The following SETD1A variants were observed in gnomAD, a reference collection of about 807,000 sequenced individuals.
The protein encoded by SETD1A is histone-lysine N-methyltransferase SETD1A.
A neutral mutation model predicts 149.9 loss-of-function variants in SETD1A; 29 were observed. The observed-to-expected ratio is 0.19, with a 90% CI of 0.14 to 0.26. The LOEUF is 0.26. SETD1A is among the 10% of genes least tolerant of loss of function. The probability of loss-of-function intolerance (pLI) is 1.00; values close to 1 mark genes in which losing one functional copy is unlikely to be tolerated. For missense variants in SETD1A, 2,109 were observed against 2,353.1 expected (o/e 0.90, Z 2.15); for synonymous variants, 1,141 against 968.5 (o/e 1.18, Z -3.31).
At chr16:30,968,327 C>T (rs1488423612) in intron 10 of SETD1A, among the ~76,000 whole-genome samples, 1 of 149,342 alleles carries the variant, frequency 6.7e-6, no homozygotes, top group Non-Finnish European at 1.5e-5. Flanking sequence ...CACTTGAACC[C>T]AGGAGGTGGA....
At chr16:30,982,489 A>C (rs2056391095) in intron 17 of SETD1A, among the ~76,000 whole-genome samples, 1 of 151,306 alleles carries the variant, frequency 6.6e-6, no homozygotes. Flanking sequence ...CGACAGAGCA[A>C]GACTCCGTCT....
At chr16:30,978,836 A>T (rs1017989783) in intron 13 of SETD1A, among the ~76,000 whole-genome samples, 5 of 152,146 alleles carry the variant, frequency 3.3e-5, no homozygotes, top group African/African-American at 9.7e-5. Flanking sequence ...CGCCCTTCTC[A>T]GCGTGGTTAC....
intron 13 of SETD1A, among the ~76,000 whole-genome samples, chr16:30,972,655 A>G (rs1015034408): frequency 1.4e-5 from 2 of 144,884 alleles, no homozygotes; most frequent in African/African-American, 5.2e-5. Context: ...AAAAAAAAAG[A>G]CCAGCCTGGG....
chr16:30,959,423 G>T lies in SETD1A; in HGVS notation c.246+237G>T, dbSNP rs369523113. Among the ~76,000 whole-genome samples the T allele has an allele frequency of 6.6e-5, 10 of 152,278 alleles. No homozygotes were observed. The South Asian group carries it at 2.1e-3, about 32-fold the overall frequency. On this transcript the variant is annotated intron_variant, in intron 3 of 18. Coordinates refer to ENST00000262519, the MANE Select transcript of SETD1A (RefSeq NM_014712.3). ...CTGGGGTGTCGACTTCTTGAAGGGT[G>T]AGGTAAAGACTCTTTAGCTGCTATA...
At chr16:30,974,968 G>A (rs1031949368) in intron 13 of SETD1A, among the ~76,000 whole-genome samples, 1 of 152,062 alleles carries the variant, frequency 6.6e-6, no homozygotes, top group African/African-American at 2.4e-5. Flanking sequence ...CCAACATGGT[G>A]AAACCCCATC....
chr16:30,982,963 T>C (rs531804727), intron 17 of SETD1A, among the ~76,000 whole-genome samples: 3 of 152,168 alleles, frequency 2.0e-5, no homozygotes, highest in South Asian at 2.1e-4. Context: ...AGTCTGGACA[T>C]GTGGGGTTGC....
Position 30,965,992 on chromosome 16 carries a change from C to T in SETD1A, c.2111C>T (p.Ala704Val), listed in dbSNP as rs1252300592. 1.3e-6 allele frequency: 2 copies of T among 1,579,982 alleles called. No individual in the cohort carries two copies. Among genetic ancestry groups the T allele is most frequent in the African/African-American group, 1.3e-5 (1 of 74,168 alleles). The change falls in exon 8 of 19, where the codon GCT becomes GTT. Residue 704 changes from alanine (A) to valine (V), a missense_variant. This residue lies in a region of SETD1A where 431 missense variants were observed against 388.6 expected (regional missense o/e 1.11). Transcript: ENST00000262519. ...RQGKGLIAASAGPPGGAFGEA... is the reference protein window; with the variant it reads ...RQGKGLIAASVGPPGGAFGEA... ...GGCAAGGGATTGATTGCCGCCTCAG[C>T]TGGCCCCCCCGGTGGGGCCTTTGGG...
Position 30,966,040 on chromosome 16 carries a change from C to T in SETD1A, c.2159C>T (p.Pro720Leu), listed in dbSNP as rs2056139630. Residue 720 changes from proline (P) to leucine (L), a missense_variant, in exon 8 of 19, where the codon CCC (proline) becomes CTC (leucine). Physicochemically the swap from Pro to Leu is moderately conservative, Grantham distance 98. Transcript: ENST00000262519. ...AFGEAFLPFPPPQEAAYGLPY... is the reference protein window; with the variant it reads ...AFGEAFLPFPLPQEAAYGLPY... ...GGGGAGGCCTTCCTCCCGTTTCCACCCCCGCAGGAGGCAGCCTACGGCTTG... is the reference window on the plus strand; with the variant it reads ...GGGGAGGCCTTCCTCCCGTTTCCACTCCCGCAGGAGGCAGCCTACGGCTTG... 6.4e-7 allele frequency: 1 copy of T among 1,567,330 alleles called. No homozygotes were observed. The highest frequency in any genetic ancestry group is 8.6e-7 in the Non-Finnish European group (1 of 1,156,504).
rs776244035 is a variant in SETD1A, at chr16:30,971,486, C to T, written c.3125C>T (p.Ser1042Leu). ...DSESSSSSSS[S>L]SSSSSSSSSS... ...GAGAGCAGCAGCTCTTCCAGCTCCT[C>T]ATCCTCCTCCTCCTCCTCGTCCTCA... Residue 1042 changes from serine (S) to leucine (L), a missense_variant, in exon 13 of 19, where the codon TCA (serine) becomes TTA (leucine). Physicochemically the swap from Ser to Leu is moderately radical, Grantham distance 145. Transcript: ENST00000262519. The T allele has an allele frequency of 2.5e-6, 4 of 1,613,804 alleles. No homozygotes were observed. Among genetic ancestry groups the T allele is most frequent in the Non-Finnish European group, 3.4e-6 (4 of 1,179,932 alleles).
chr16:30,963,514 T>C lies in SETD1A; in HGVS notation c.599T>C (p.Leu200Pro). Residue 200 changes from leucine to proline, a missense_variant, in exon 5 of 19, where the codon CTG becomes CCG. Physicochemically the swap from Leu to Pro is moderately conservative, Grantham distance 98. Coordinates refer to ENST00000262519, the MANE Select transcript of SETD1A (RefSeq NM_014712.3). ...PQTVPTGGKA[L>P]SEKFQGSGAA... ...ACTGTGCCCACTGGGGGCAAGGCCC[T>C]GAGTGAGAAGTTCCAAGGCTCGGGT... 2 of 1,613,528 alleles carry C rather than the reference T, an allele frequency of 1.2e-6. No homozygotes were observed. The highest frequency in any genetic ancestry group is 1.7e-6 in the Non-Finnish European group (2 of 1,179,664).
At chr16:30,964,471 G>T in intron 6 of SETD1A, 141 bp from the exon 7 acceptor site, 1 of 1,439,026 alleles carries the variant, frequency 6.9e-7, no homozygotes, top group South Asian at 1.3e-5. Context: ...TGCTGTCCTC[G>T]GGGAACACAC....
Position 30,979,550 on chromosome 16 carries a change from T to TCCTGGCCGA in SETD1A, c.3772_3780dup (p.Asp1258_Ala1260dup). 2 of 1,608,986 alleles carry TCCTGGCCGA rather than the reference T, an allele frequency of 1.2e-6. No individual in the cohort carries two copies. Among genetic ancestry groups the TCCTGGCCGA allele is most frequent in the Non-Finnish European group, 1.7e-6 (2 of 1,178,926 alleles). On this transcript the variant is annotated inframe_insertion, in exon 14 of 19. Transcript: ENST00000262519. Reference sequence around the variant, plus strand: ...CCAGGGACAGAGGTGGACCTGGCGGTCCTGGCCGACCTGGCCCTGACCCCT... The same window carrying TCCTGGCCGA: ...CCAGGGACAGAGGTGGACCTGGCGGTCCTGGCCGACCTGGCCGACCTGGCCCTGACCCCT...
chr16:30,982,951 C>G (rs1354751295), intron 17 of SETD1A, among the ~76,000 whole-genome samples: 2 of 152,098 alleles, frequency 1.3e-5, no homozygotes, highest in Non-Finnish European at 1.5e-5. Flanking sequence ...AAGATGAGCT[C>G]CAGTCTGGAC....
At chr16:30,981,258 C>T in intron 17 of SETD1A, 78 bp downstream of exon 17, 1 of 1,566,744 alleles carries the variant, frequency 6.4e-7, no homozygotes, top group Non-Finnish European at 8.7e-7. Context: ...TGCTGTTTGT[C>T]CGGTTAAAGC....
Position 30,965,185 on chromosome 16 carries a change from C to T in SETD1A, c.1443C>T (p.Pro481=), listed in dbSNP as rs780795627. 7 of 1,614,052 alleles carry T rather than the reference C, an allele frequency of 4.3e-6. No homozygotes were observed. The South Asian group carries it at 7.7e-5, about 18-fold the overall frequency. ...PAPETTNESV[P]FAQHSSLDSR... is the part of the protein sequence containing the mutation. ...CGGAGACCACCAATGAGAGTGTGCC[C>T]TTCGCCCAGCACAGCAGCCTGGATT... Residue 481 remains proline (P), a synonymous_variant, in exon 7 of 19, where the codon CCC becomes CCT. Coordinates refer to ENST00000262519, the MANE Select transcript of SETD1A (RefSeq NM_014712.3).
chr16:30,981,300 A>G (rs759601287), intron 17 of SETD1A, 120 bp downstream of exon 17: 52 of 1,296,720 alleles, frequency 4.0e-5, no homozygotes, highest in Non-Finnish European at 5.5e-5. Flanking sequence ...GTACCTAGCC[A>G]GTGAGACCAG....
intron 13 of SETD1A, among the ~76,000 whole-genome samples, chr16:30,978,826 C>T (rs1310216498): frequency 1.3e-5 from 2 of 152,214 alleles, no homozygotes; most frequent in Non-Finnish European, 2.9e-5. Context: ...CGAGTGGTGC[C>T]GCCCTTCTCA....
intron 6 of SETD1A, 98 bp downstream of exon 6, chr16:30,964,421 A>G: frequency 7.5e-7 from 1 of 1,331,382 alleles, no homozygotes; most frequent in East Asian, 2.4e-5. Flanking sequence ...GGAGTTGGAA[A>G]TAATTTGTCC....
chr16:30,962,619 A>G (rs1206685758), intron 4 of SETD1A, among the ~76,000 whole-genome samples: 1 of 152,186 alleles, frequency 6.6e-6, no homozygotes, highest in Non-Finnish European at 1.5e-5. Flanking sequence ...GCAAGTGGAA[A>G]TGAGGTTTAA....
Sources: allele counts gnomAD v4.1 joint callset (sites outside exome capture counted in the v4.1 genomes callset), GRCh38; gene constraint gnomAD v4.1.1; regional missense constraint gnomAD v4.1.1; transcripts MANE v1.5; gene names NCBI Gene and HGNC (gene_info 2026-07-23, HGNC 2026-07-21).